TANGO6: variants seen among roughly 807,000 people sequenced by gnomAD.
TANGO6 encodes transport and golgi organization 6 homolog.
A neutral mutation model predicts 114.2 loss-of-function variants in TANGO6; 90 were observed. The observed-to-expected ratio is 0.79, with a 90% CI of 0.66 to 0.94. TANGO6 has a LOEUF of 0.94. Ranked by LOEUF, TANGO6 falls within the 40% of genes least tolerant of loss-of-function variation. The pLI is 0.00. For missense variants in TANGO6, 1,274 were observed against 1,315.3 expected (o/e 0.97, Z 0.49); for synonymous variants, 477 against 509.8 (o/e 0.94, Z 0.87).
At chr16:68,902,269 A>T in intron 8 of TANGO6, 59 bp from the exon 9 acceptor site, 1 of 1,498,360 alleles carries the variant, frequency 6.7e-7, no homozygotes. Context: ...TTTTTATGTT[A>T]GCTTGTTAGA....
chr16:68,845,408 A>G (rs1031118835), intron 1 of TANGO6, among the ~76,000 whole-genome samples: 1 of 152,212 alleles, frequency 6.6e-6, no homozygotes, highest in African/African-American at 2.4e-5. Context: ...GAGTACACAT[A>G]TATGTACTCA....
intron 11 of TANGO6, among the ~76,000 whole-genome samples, chr16:68,911,588 T>G (rs1962924119): frequency 6.6e-6 from 1 of 152,098 alleles, no homozygotes; most frequent in African/African-American, 2.4e-5. Context: ...GGCTAATTTT[T>G]CTATTTTTAG....
intron 1 of TANGO6, among the ~76,000 whole-genome samples, chr16:68,853,177 C>T (rs538431280): frequency 6.6e-6 from 1 of 151,560 alleles, no homozygotes; most frequent in Non-Finnish European, 1.5e-5. Context: ...ATGTACTTGG[C>T]TGAGGCATGA....
intron 1 of TANGO6, among the ~76,000 whole-genome samples, chr16:68,844,970 T>A: frequency 6.7e-6 from 1 of 149,820 alleles, no homozygotes; most frequent in East Asian, 1.9e-4. Context: ...GGCAACTCTT[T>A]TTTTTTTTTT....
At chr16:69,022,043 G>A (rs920057146) in intron 15 of TANGO6, among the ~76,000 whole-genome samples, 1 of 151,562 alleles carries the variant, frequency 6.6e-6, no homozygotes, top group Non-Finnish European at 1.5e-5. Flanking sequence ...CCGCCACCAC[G>A]CCCGGCTAAT....
At chr16:68,921,893 C>G (rs766205534) in intron 12 of TANGO6, among the ~76,000 whole-genome samples, 4 of 151,962 alleles carry the variant, frequency 2.6e-5, no homozygotes, top group Non-Finnish European at 5.9e-5. Flanking sequence ...CACGTCACCC[C>G]CTATACCTTT....
chr16:69,055,020 ATT>A (rs199952725), intron 17 of TANGO6, among the ~76,000 whole-genome samples: 3,732 of 145,680 alleles, frequency 0.026, 155 homozygotes, highest in African/African-American at 0.087. Flanking sequence ...AAAGATGCCA[ATT>A]TTTTTTTTTT....
chr16:68,893,959 G>A (rs1200855087), intron 7 of TANGO6, among the ~76,000 whole-genome samples: 11 of 152,038 alleles, frequency 7.2e-5, no homozygotes, highest in Admixed American at 1.3e-4. Flanking sequence ...GAGGTGGAGC[G>A]GTCAGGCCCT....
rs139148674 is a variant in TANGO6, at chr16:68,872,783, G to A, written c.995-2371G>A. 2.2e-4 allele frequency among the ~76,000 whole-genome samples: 34 copies of A among 151,288 alleles called. No individual in the cohort carries two copies. The East Asian group carries it at 6.2e-3, about 28-fold the overall frequency. On this transcript the variant is annotated intron_variant, in intron 4 of 17. Coordinates refer to ENST00000261778, the MANE Select transcript of TANGO6 (RefSeq NM_024562.2). ...GCGATCTCGGCTCACTACAGCTTGCGCCTCCCATGTTCAAGAGATTCTCTT... is the reference window on the plus strand; with the variant it reads ...GCGATCTCGGCTCACTACAGCTTGCACCTCCCATGTTCAAGAGATTCTCTT...
rs1231646458 is a variant in TANGO6 at position 68,980,409 on chromosome 16, CTATA to C, written c.2842+6265_2842+6268del. ...TCTCTCTCTCTCTCTCTCTCTCTCT[CTATA>C]TATATATATATATATATATATATTT... On this transcript the variant is annotated intron_variant, in intron 15 of 17. Transcript: ENST00000261778. 4.9e-3 allele frequency among the ~76,000 whole-genome samples: 336 copies of C among 67,912 alleles called. 14 individuals are homozygous for C. Among genetic ancestry groups the C allele is most frequent in the African/African-American group, 0.02 (299 of 15,056 alleles). 44.6% of individuals were successfully genotyped at this position (67,912 alleles called of 152,430 possible).
chr16:69,044,698 C>CCAAGCAA (rs1310821346), intron 17 of TANGO6, among the ~76,000 whole-genome samples: 1 of 152,074 alleles, frequency 6.6e-6, no homozygotes, highest in Non-Finnish European at 1.5e-5. Flanking sequence ...AACCCCTGAA[C>CCAAGCAA]CAAGCAAGGT....
chr16:68,921,886 G>C (rs184514745), intron 12 of TANGO6, among the ~76,000 whole-genome samples: 2 of 151,782 alleles, frequency 1.3e-5, no homozygotes, highest in African/African-American at 4.8e-5. Flanking sequence ...ACATAAGCAC[G>C]TCACCCCCTA....
At chr16:68,870,257 A>C (rs1425802512) in intron 4 of TANGO6, among the ~76,000 whole-genome samples, 1 of 152,166 alleles carries the variant, frequency 6.6e-6, no homozygotes, top group East Asian at 1.9e-4. Context: ...AGGGCTGGAT[A>C]TGTGGGGAAG....
At chr16:68,875,940 A>C (rs539695813) in intron 5 of TANGO6, among the ~76,000 whole-genome samples, 6 of 152,292 alleles carry the variant, frequency 3.9e-5, no homozygotes, top group African/African-American at 1.4e-4. Flanking sequence ...TAACATGGCA[A>C]ACAATTTAAA....
At chr16:68,846,554 G>C in intron 1 of TANGO6, 1 of 301,408 alleles carries the variant, frequency 3.3e-6, no homozygotes, top group Non-Finnish European at 6.4e-6. Context: ...GGAGTGCAGT[G>C]GTGCGATCTC....
chr16:69,029,982 C>T (rs1959568948), intron 16 of TANGO6, among the ~76,000 whole-genome samples: 2 of 151,758 alleles, frequency 1.3e-5, no homozygotes, highest in South Asian at 4.2e-4. Context: ...GTAACAGGCA[C>T]CTGTAGTCCC....
chr16:69,036,506 C>G (rs1161248123), intron 16 of TANGO6, among the ~76,000 whole-genome samples: 2 of 152,128 alleles, frequency 1.3e-5, no homozygotes, highest in African/African-American at 4.8e-5. Flanking sequence ...GGGCCTCTTC[C>G]TGATTGTCCT....
Position 68,990,435 on chromosome 16 carries a change from G to A in TANGO6, c.2842+16267G>A, listed in dbSNP as rs558533849. On this transcript the variant is annotated intron_variant, in intron 15 of 17. Transcript: ENST00000261778. The stretch of plus-strand genomic sequence containing the variant: ...TCATGAGACTTACTTATTACCACGA[G>A]AACAGTATGGGGGAAACCGCCCCCA... Among the ~76,000 whole-genome samples the A allele has an allele frequency of 2.1e-4, 32 of 152,214 alleles. No homozygotes were observed. The Middle Eastern group carries it at 0.02, about 97-fold the overall frequency.
chr16:68,843,540 T>C lies in TANGO6; in HGVS notation c.-78T>C. 2 of 1,411,892 alleles carry C rather than the reference T, an allele frequency of 1.4e-6. No individual in the cohort carries two copies. Among genetic ancestry groups the C allele is most frequent in the South Asian group, 2.4e-5 (2 of 82,986 alleles). The allele number at this position is 1,411,892 out of a possible 1,614,324, so 87.5% of individuals were successfully genotyped here. A position where few individuals can be genotyped will look rare whatever the true frequency, so the allele number is the denominator to read the frequency against. ...GCCCCATAGTGTGCCCAGAGCCTTCTGCCACACTTAACATGGCGGCGGCGG... is the reference window on the plus strand; with the variant it reads ...GCCCCATAGTGTGCCCAGAGCCTTCCGCCACACTTAACATGGCGGCGGCGG... On this transcript the variant is annotated 5_prime_UTR_variant, in exon 1 of 18. Transcript: ENST00000261778.
Sources: gnomAD v4.1 joint callset for allele counts (sites outside exome capture counted in the v4.1 genomes callset) on GRCh38, gnomAD v4.1.1 for gene constraint, MANE v1.5 for transcripts, NCBI Gene and HGNC (gene_info 2026-07-23, HGNC 2026-07-21) for gene names.